The following B4GALNT4 variants were observed in gnomAD, a reference collection of about 807,000 sequenced individuals.
B4GALNT4 encodes beta-1,4-N-acetyl-galactosaminyltransferase 4, also known as N-acetyl-beta-glucosaminyl-glycoprotein 4-beta-N-acetylgalactosaminyltransferase 1.
In B4GALNT4, 77 loss-of-function variants were observed where a neutral mutation model predicts 110.0. The observed-to-expected ratio is 0.70, with a 90% CI of 0.58 to 0.85. The LOEUF (loss-of-function observed/expected upper bound fraction) is 0.85. Ranked by LOEUF, B4GALNT4 falls within the 40% of genes least tolerant of loss-of-function variation. The pLI is 0.00. For missense variants in B4GALNT4, 1,575 were observed against 1,506.0 expected, an observed-to-expected ratio of 1.05 and a Z score of -0.76; for synonymous variants, 785 against 655.5, an observed-to-expected ratio of 1.20 and a Z score of -3.02.
intron 1 of B4GALNT4, among the ~76,000 whole-genome samples, chr11:371,290 CAA>C (rs1846614338): frequency 6.6e-6 from 1 of 152,148 alleles, no homozygotes; most frequent in African/African-American, 2.4e-5. Flanking sequence ...ACCTGGGGCC[CAA>C]GTCAGGGGAG....
In B4GALNT4 at chr11:373,771, C is replaced by T. The variant is rs549768400; in HGVS notation, c.726C>T (p.Tyr242=). ...CCAGGCTCATGGCCTCCCGGAGGTA[C>T]TACTTTGAGTTGCTGCACAAGCAGG... The part of the protein sequence containing the change: ...KPRRLMASRR[Y]YFELLHKQDD... Residue 242 remains tyrosine, a synonymous_variant, in exon 8 of 20, where the codon TAC becomes TAT. Transcript: ENST00000329962. 15 of 1,612,388 alleles carry T rather than the reference C, an allele frequency of 9.3e-6. No homozygotes were observed. In the South Asian group the frequency reaches 1.2e-4, roughly 13 times the overall value.
chr11:379,626 G>C lies in B4GALNT4; in HGVS notation c.2413G>C (p.Asp805His). 6.6e-7 allele frequency: 1 copy of C among 1,524,864 alleles called. No individual in the cohort carries two copies. Among genetic ancestry groups the C allele is most frequent in the Non-Finnish European group, 8.8e-7 (1 of 1,139,660 alleles). The allele number at this position is 1,524,864 out of a possible 1,614,324, so 94.5% of individuals were successfully genotyped here. Residue 805 changes from aspartate (D) to histidine (H), a missense_variant, in exon 15 of 20, where the codon GAC (aspartate) becomes CAC (histidine). Asp to His is a moderately conservative substitution (Grantham distance 81, BLOSUM62 -1). Coordinates refer to ENST00000329962, the MANE Select transcript of B4GALNT4 (RefSeq NM_178537.5). ...EPAPAASVRP[D>H]GRPELCRPLR... Reference sequence around the variant, plus strand: ...CGCTCCCGCCGCCTCCGTGCGCCCCGACGGCCGCCCCGAGCTCTGCCGGCC... The same window carrying C: ...CGCTCCCGCCGCCTCCGTGCGCCCCCACGGCCGCCCCGAGCTCTGCCGGCC...
chr11:376,788 G>A lies in B4GALNT4; in HGVS notation c.1665G>A (p.Leu555=), dbSNP rs1303605569. ...GGCCGCCCTTCCCTGGCGTCTTCCT[G>A]CACCCCAGGCCTCTGCCCAGAGTGC... ...APWPPFPGVF[L]HPRPLPRVQL... is the part of the protein sequence containing the mutation. The change falls in exon 14 of 20, where the codon CTG becomes CTA. Residue 555 remains leucine, a synonymous_variant. Transcript: ENST00000329962. 2.9e-6 allele frequency: 4 copies of A among 1,386,138 alleles called. No individual in the cohort carries two copies. The highest frequency in any genetic ancestry group is 6.7e-5 in the East Asian group (2 of 29,788). 85.9% of individuals were successfully genotyped at this position (1,386,138 alleles called of 1,614,324 possible). A position where few individuals can be genotyped will look rare whatever the true frequency, so the allele number is the denominator to read the frequency against.
In B4GALNT4 at chr11:376,853, G is replaced by T; in HGVS notation, c.1730G>T (p.Arg577Leu). The T allele has an allele frequency of 7.6e-7, 1 of 1,323,682 alleles. No homozygotes were observed. 82.0% of individuals were successfully genotyped at this position (1,323,682 alleles called of 1,614,324 possible). ...APPRPPRPHGRRTGGPQATQP... is the reference protein window; with the variant it reads ...APPRPPRPHGLRTGGPQATQP... ...CCACGCCCACCCCGGCCCCACGGCC[G>T]CAGGACCGGCGGCCCCCAGGCCACA... Residue 577 changes from arginine to leucine, a missense_variant, in exon 14 of 20, where the codon CGC becomes CTC. Physicochemically the swap from Arg to Leu is moderately radical, Grantham distance 102. Coordinates refer to ENST00000329962, the MANE Select transcript of B4GALNT4 (RefSeq NM_178537.5).
rs1276088925 is a variant in B4GALNT4, at chr11:377,121, G to A, written c.1998G>A (p.Glu666=). 2 of 1,497,108 alleles carry A rather than the reference G, an allele frequency of 1.3e-6. No individual in the cohort carries two copies. Among genetic ancestry groups the A allele is most frequent in the Non-Finnish European group, 1.8e-6 (2 of 1,124,126 alleles). 92.7% of individuals were successfully genotyped at this position (1,497,108 alleles called of 1,614,324 possible). The change falls in exon 14 of 20, where the codon GAG becomes GAA. Residue 666 remains glutamate, a synonymous_variant. Transcript: ENST00000329962. ...GDEAASEDSE[E]AAGPALGRWR... is the part of the protein sequence containing the mutation. ...AGGCCGCGTCGGAGGACAGCGAGGAGGCCGCGGGCCCGGCGCTCGGACGCT... is the reference window on the plus strand; with the variant it reads ...AGGCCGCGTCGGAGGACAGCGAGGAAGCCGCGGGCCCGGCGCTCGGACGCT...
At chr11:380,069 CG>C in intron 16 of B4GALNT4, 50 bp downstream of exon 16, 3 of 1,597,724 alleles carry the variant, frequency 1.9e-6, no homozygotes, top group Non-Finnish European at 2.6e-6. Flanking sequence ...CTTTCCTCCC[CG>C]GGAGATGGGT....
chr11:378,054 C>A (rs1050943378), intron 14 of B4GALNT4, among the ~76,000 whole-genome samples: 2 of 151,816 alleles, frequency 1.3e-5, no homozygotes, highest in African/African-American at 4.8e-5. Flanking sequence ...ACTGTTTCTC[C>A]TGTGCGTGAT....
rs1219941441 is a variant in B4GALNT4, at chr11:381,374, G to A, written c.2997-295G>A. ...GGTCCTGACCACCTCTCCGCCCCCGGCCCCGGGTTCCTGACCACCTCTCCG... is the reference window on the plus strand; with the variant it reads ...GGTCCTGACCACCTCTCCGCCCCCGACCCCGGGTTCCTGACCACCTCTCCG... On this transcript the variant is annotated intron_variant, in intron 19 of 19. Coordinates refer to ENST00000329962, the MANE Select transcript of B4GALNT4 (RefSeq NM_178537.5). 1.0e-4 allele frequency among the ~76,000 whole-genome samples: 9 copies of A among 88,420 alleles called. No individual in the cohort carries two copies. The South Asian group carries it at 1.4e-3, about 14-fold the overall frequency. 58.0% of individuals were successfully genotyped at this position (88,420 alleles called of 152,430 possible). A position where few individuals can be genotyped will look rare whatever the true frequency, so the allele number is the denominator to read the frequency against.
intron 14 of B4GALNT4, 25 bp from the exon 15 acceptor site, chr11:379,393 A>G: frequency 1.4e-6 from 2 of 1,469,152 alleles, no homozygotes; most frequent in South Asian, 1.3e-5. Flanking sequence ...AAGCCCCAGT[A>G]CCGGCTGACC....
intron 8 of B4GALNT4, among the ~76,000 whole-genome samples, chr11:374,131 C>T (rs898626929): frequency 6.6e-6 from 1 of 151,938 alleles, no homozygotes; most frequent in African/African-American, 2.4e-5. Context: ...GGAACAGACC[C>T]AGCAGAGGAA....
Position 375,477 on chromosome 11 carries a change from C to G in B4GALNT4, c.800C>G (p.Pro267Arg), listed in dbSNP as rs752874044. ...HVEVGWRAFL[P>R]GLKFEVISSA... ...GCCCCGCAGTGGCGAGCTTTCCTGC[C>G]CGGCCTGAAGTTCGAGGTCATCAGC... Residue 267 changes from proline to arginine, a missense_variant, in exon 9 of 20, where the codon CCC becomes CGC. By Grantham distance (103) the Pro-to-Arg change is moderately radical. Coordinates refer to ENST00000329962, the MANE Select transcript of B4GALNT4 (RefSeq NM_178537.5). The G allele has an allele frequency of 1.9e-6, 3 of 1,611,900 alleles. No individual in the cohort carries two copies. Among genetic ancestry groups the G allele is most frequent in the Middle Eastern group, 3.3e-4 (2 of 6,008 alleles).
rs991596115 is a variant in B4GALNT4 at position 380,215 on chromosome 11, C to T, written c.2715+13C>T. 3 of 1,604,780 alleles carry T rather than the reference C, an allele frequency of 1.9e-6. No homozygotes were observed. Among genetic ancestry groups the T allele is most frequent in the Non-Finnish European group, 2.6e-6 (3 of 1,174,120 alleles). ...GGACGCGGTAGAGGTCCGAGGGCCC[C>T]ATGGGGGTCGGGGAGCAAAACGGGG... On this transcript the variant is annotated intron_variant, in intron 17 of 19. Coordinates refer to ENST00000329962, the MANE Select transcript of B4GALNT4 (RefSeq NM_178537.5).
chr11:381,367 G>A (rs1387047031), intron 19 of B4GALNT4, among the ~76,000 whole-genome samples: 3 of 108,660 alleles, frequency 2.8e-5, no homozygotes, highest in Non-Finnish European at 5.8e-5. Flanking sequence ...CCACCTCTCC[G>A]CCCCCGGCCC....
At chr11:379,356 C>T (rs2133579158) in intron 14 of B4GALNT4, 62 bp from the exon 15 acceptor site, 2 of 1,416,394 alleles carry the variant, frequency 1.4e-6, no homozygotes, top group African/African-American at 1.5e-5. Flanking sequence ...CAGGGCGGAC[C>T]AGGGTTGCGG....
Position 379,574 on chromosome 11 carries a change from G to T in B4GALNT4, c.2361G>T (p.Gly787=), listed in dbSNP as rs1193519661. The T allele has an allele frequency of 3.2e-6, 5 of 1,585,484 alleles. No individual in the cohort carries two copies. In the East Asian group the frequency reaches 1.1e-4, roughly 36 times the overall value. Residue 787 remains glycine, a synonymous_variant, in exon 15 of 20, where the codon GGG becomes GGT. Coordinates refer to ENST00000329962, the MANE Select transcript of B4GALNT4 (RefSeq NM_178537.5). Reference sequence around the variant, plus strand: ...TGCGGCTGCCGGGAGCCCGCGTAGGGGATGCAGACGGAGAAAGTCCCGAAC... The same window carrying T: ...TGCGGCTGCCGGGAGCCCGCGTAGGTGATGCAGACGGAGAAAGTCCCGAAC... The part of the protein sequence containing the change: ...VFLRLPGARV[G]DADGESPEPA...
intron 1 of B4GALNT4, among the ~76,000 whole-genome samples, chr11:370,218 C>T (rs1158538607): frequency 6.6e-6 from 1 of 152,034 alleles, no homozygotes; most frequent in East Asian, 1.9e-4. Flanking sequence ...GCGCGCGACC[C>T]TCCCAGAGAG....
At position 377,103 on chromosome 11, in the gene B4GALNT4, G is replaced by A. The variant is rs756686003; in HGVS notation, c.1980G>A (p.Ala660=). 2.8e-5 allele frequency: 41 copies of A among 1,474,356 alleles called. No individual in the cohort carries two copies. In the African/African-American group the frequency reaches 5.0e-4, roughly 18 times the overall value. The allele number at this position is 1,474,356 out of a possible 1,614,324, so 91.3% of individuals were successfully genotyped here. The change falls in exon 14 of 20, where the codon GCG becomes GCA. Residue 660 remains alanine (A), a synonymous_variant. Transcript: ENST00000329962. ...EDDGAPGDEA[A]SEDSEEAAGP... ...ATGGGGCCCCGGGCGACGAGGCCGC[G>A]TCGGAGGACAGCGAGGAGGCCGCGG...
rs768890428 is a variant in B4GALNT4, at chr11:375,977, CG to C, written c.1095+22del. ...AATTTGTGAGTGCGGCTGGAGACCC[CG>C]TCTCCCGTCCGGGACTCCGCGGAGC... is the stretch of plus-strand genomic sequence containing the variant. On this transcript the variant is annotated intron_variant, in intron 11 of 19. Transcript: ENST00000329962. 6.2e-6 allele frequency: 10 copies of C among 1,607,072 alleles called. No homozygotes were observed. In the South Asian group the frequency reaches 1.1e-4, roughly 18 times the overall value.
chr11:370,098 G>C (rs962437318), intron 1 of B4GALNT4, 144 bp downstream of exon 1: 1 of 156,638 alleles, frequency 6.4e-6, no homozygotes, highest in Admixed American at 6.7e-5. Context: ...CAGAGGTCTC[G>C]GCTGGGCCCG....
Sources: gnomAD v4.1 joint callset for allele counts (sites outside exome capture counted in the v4.1 genomes callset) on GRCh38, gnomAD v4.1.1 for gene constraint, MANE v1.5 for transcripts, NCBI Gene and HGNC (gene_info 2026-07-23, HGNC 2026-07-21) for gene names.